The following HS3ST4 variants were observed in gnomAD, a reference collection of about 807,000 sequenced individuals.
HS3ST4 encodes the protein heparan sulfate-glucosamine 3-sulfotransferase 4, also known as heparan sulfate glucosamine 3-O-sulfotransferase 4.
Under a neutral mutation model 29.2 loss-of-function variants are expected in HS3ST4, and 17 were observed. That is an observed-to-expected ratio of 0.58 (90% confidence interval 0.40 to 0.87). The LOEUF is 0.87. HS3ST4 is among the 40% of genes least tolerant of loss of function. The pLI is 0.00. For synonymous variants in HS3ST4, 314 were observed against 285.7 expected, an observed-to-expected ratio of 1.10 and a Z score of -1.00; for missense variants, 627 against 634.5, an observed-to-expected ratio of 0.99 and a Z score of 0.13.
At chr16:25,908,557 G>T (rs1803006193) in intron 1 of HS3ST4, among the ~76,000 whole-genome samples, 1 of 152,134 alleles carries the variant, frequency 6.6e-6, no homozygotes, top group African/African-American at 2.4e-5. Flanking sequence ...TCTTTACATT[G>T]TCCAGTGAGG....
At chr16:25,769,734 T>A (rs1313618319) in intron 1 of HS3ST4, among the ~76,000 whole-genome samples, 2 of 152,194 alleles carry the variant, frequency 1.3e-5, no homozygotes, top group Non-Finnish European at 2.9e-5. Flanking sequence ...TAGCAAACAG[T>A]GTTTTAATTG....
intron 1 of HS3ST4, among the ~76,000 whole-genome samples, chr16:25,938,419 T>C (rs149150740): frequency 1.3e-3 from 198 of 152,276 alleles, no homozygotes; most frequent in Non-Finnish European, 2.2e-3. Context: ...TAAGTGTGCA[T>C]CTTCTGCCAG....
chr16:26,000,262 C>T (rs1393413375), intron 1 of HS3ST4, among the ~76,000 whole-genome samples: 2 of 152,078 alleles, frequency 1.3e-5, no homozygotes, highest in Non-Finnish European at 2.9e-5. Flanking sequence ...CTATCTCTTC[C>T]TCTCTTTCTC....
At chr16:25,838,120 C>G (rs1967379150) in intron 1 of HS3ST4, among the ~76,000 whole-genome samples, 1 of 152,208 alleles carries the variant, frequency 6.6e-6, no homozygotes, top group Non-Finnish European at 1.5e-5. Flanking sequence ...TGTAAATGTG[C>G]TTTGGTTTCC....
At chr16:25,879,795 G>T (rs1317269028) in intron 1 of HS3ST4, among the ~76,000 whole-genome samples, 1 of 152,152 alleles carries the variant, frequency 6.6e-6, no homozygotes, top group Non-Finnish European at 1.5e-5. Context: ...AAAGAAAGAG[G>T]TTTAATGGAT....
chr16:25,818,172 A>T (rs1337144828), intron 1 of HS3ST4, among the ~76,000 whole-genome samples: 1 of 152,230 alleles, frequency 6.6e-6, no homozygotes, highest in Non-Finnish European at 1.5e-5. Context: ...AAGTTTGTGT[A>T]TCCCCCAAAA....
intron 1 of HS3ST4, among the ~76,000 whole-genome samples, chr16:25,770,789 G>A (rs1360018084): frequency 6.6e-6 from 1 of 152,196 alleles, no homozygotes; most frequent in Non-Finnish European, 1.5e-5. Context: ...TGCAACTGAT[G>A]AAAAGCAATT....
chr16:25,728,708 C>T (rs1167555554), intron 1 of HS3ST4, among the ~76,000 whole-genome samples: 2 of 152,132 alleles, frequency 1.3e-5, no homozygotes, highest in African/African-American at 4.8e-5. Flanking sequence ...CGATACAAAC[C>T]AACACTCCAG....
At chr16:26,038,167 C>A (rs1969601529) in intron 1 of HS3ST4, among the ~76,000 whole-genome samples, 3 of 152,126 alleles carry the variant, frequency 2.0e-5, no homozygotes, top group Admixed American at 2.0e-4. Context: ...TCAAGCTCAG[C>A]CCTCTGGATC....
intron 1 of HS3ST4, among the ~76,000 whole-genome samples, chr16:25,882,918 C>A (rs190176517): frequency 4.6e-5 from 7 of 152,178 alleles, no homozygotes; most frequent in African/African-American, 1.7e-4. Flanking sequence ...ATCTCACCAG[C>A]TGTCATTCCT....
intron 1 of HS3ST4, among the ~76,000 whole-genome samples, chr16:25,714,873 T>C (rs903376400): frequency 3.9e-5 from 6 of 152,220 alleles, no homozygotes; most frequent in African/African-American, 1.4e-4. Context: ...GAAAGTATTC[T>C]TGTGCTCTGG....
Position 25,997,819 on chromosome 16 carries a change from A to G in HS3ST4, c.735-137793A>G, listed in dbSNP as rs142512620. On this transcript the variant is annotated intron_variant, in intron 1 of 1. Coordinates refer to ENST00000331351, the MANE Select transcript of HS3ST4 (RefSeq NM_006040.3). ...CAAGATGGGCTTAGAATGGGGAGTA[A>G]TTGCTCCCTTAAGGATAAATAAATT... is the stretch of plus-strand genomic sequence containing the variant. Among the ~76,000 whole-genome samples the G allele has an allele frequency of 5.8e-4, 88 of 152,276 alleles. No individual in the cohort carries two copies. The East Asian group carries it at 0.017, about 29-fold the overall frequency.
chr16:25,777,693 A>G (rs1966848887), intron 1 of HS3ST4, among the ~76,000 whole-genome samples: 1 of 152,182 alleles, frequency 6.6e-6, no homozygotes. Context: ...ACTTGAACCC[A>G]GGAGACAGAA....
At chr16:25,738,878 T>G (rs1966631296) in intron 1 of HS3ST4, among the ~76,000 whole-genome samples, 1 of 152,196 alleles carries the variant, frequency 6.6e-6, no homozygotes, top group African/African-American at 2.4e-5. Flanking sequence ...AGTATGATGC[T>G]TCCAGCTTTG....
At chr16:25,834,228 A>C (rs112988002) in intron 1 of HS3ST4, among the ~76,000 whole-genome samples, 1 of 152,210 alleles carries the variant, frequency 6.6e-6, no homozygotes, top group African/African-American at 2.4e-5. Flanking sequence ...AGCAACATCA[A>C]CATCACTTGG....
intron 1 of HS3ST4, among the ~76,000 whole-genome samples, chr16:26,064,669 G>A (rs140709112): frequency 0.024 from 3,327 of 137,018 alleles, 60 homozygotes; most frequent in Middle Eastern, 0.052. Flanking sequence ...CTGGGCTGAA[G>A]TGCAATGGCG....
chr16:26,123,564 A>G (rs1339212594), intron 1 of HS3ST4, among the ~76,000 whole-genome samples: 2 of 152,236 alleles, frequency 1.3e-5, no homozygotes, highest in Non-Finnish European at 2.9e-5. Flanking sequence ...TTTTTGGGGT[A>G]CATGAATAAG....
intron 1 of HS3ST4, among the ~76,000 whole-genome samples, chr16:25,868,161 C>G (rs1164987891): frequency 6.6e-6 from 1 of 152,130 alleles, no homozygotes; most frequent in Non-Finnish European, 1.5e-5. Flanking sequence ...CCTTCTTCTG[C>G]CTGCCTCCCA....
At chr16:25,817,067 CA>C (rs1345147046) in intron 1 of HS3ST4, among the ~76,000 whole-genome samples, 1 of 152,208 alleles carries the variant, frequency 6.6e-6, no homozygotes, top group Non-Finnish European at 1.5e-5. Context: ...CAAACCATAG[CA>C]AGCTGCATTG....
Sources: gnomAD v4.1 joint callset for allele counts (sites outside exome capture counted in the v4.1 genomes callset) on GRCh38, gnomAD v4.1.1 for gene constraint, MANE v1.5 for transcripts, NCBI Gene and HGNC (gene_info 2026-07-23, HGNC 2026-07-21) for gene names.